Variants in CCNI observed in about 807,000 individuals in gnomAD.
CCNI encodes cyclin-I.
In CCNI, 14 loss-of-function variants were observed where a neutral mutation model predicts 34.1. The ratio of observed to expected loss-of-function variants is 0.41; its 90% CI spans 0.27 to 0.64. The LOEUF (loss-of-function observed/expected upper bound fraction) is 0.64, where lower values mean the gene tolerates loss of function less well. Among genes scored for constraint, CCNI ranks in the 30% least tolerant of loss-of-function variants. The pLI is 0.31. For missense variants in CCNI, 385 were observed against 440.5 expected (o/e 0.87, Z 1.13); for synonymous variants, 154 against 158.4 (o/e 0.97, Z 0.21).
chr4:77,072,497 A>G (rs148574459), intron 1 of CCNI, among the ~76,000 whole-genome samples: 1 of 149,626 alleles, frequency 6.7e-6, no homozygotes, highest in Admixed American at 6.7e-5. Context: ...GCCAGGCATG[A>G]TGTCACACAC....
At chr4:77,071,230 T>C (rs776417334) in intron 1 of CCNI, among the ~76,000 whole-genome samples, 56 of 152,252 alleles carry the variant, frequency 3.7e-4, no homozygotes, top group Non-Finnish European at 6.9e-4. Flanking sequence ...TTCAAATATT[T>C]ATATTGTAAT....
Position 77,067,786 on chromosome 4 carries a change from G to C in CCNI, c.-43-1381C>G, listed in dbSNP as rs192018076. Among the ~76,000 whole-genome samples the C allele has an allele frequency of 6.6e-3, 682 of 103,016 alleles. 10 individuals carry two copies. The highest frequency in any genetic ancestry group is 0.03 in the African/African-American group (653 of 21,954). 67.6% of individuals were successfully genotyped at this position (103,016 alleles called of 152,430 possible). A position where few individuals can be genotyped will look rare whatever the true frequency, so the allele number is the denominator to read the frequency against. ...GTGTGAGCCACCGTGCAGGCTTCTAGGTTTAAAAAAAAAAAAAAAAAAAAA... is the reference window on the plus strand; with the variant it reads ...GTGTGAGCCACCGTGCAGGCTTCTACGTTTAAAAAAAAAAAAAAAAAAAAA... On this transcript the variant is annotated intron_variant, in intron 1 of 6. Coordinates refer to ENST00000237654, the MANE Select transcript of CCNI (RefSeq NM_006835.3).
In CCNI at chr4:77,075,699, C is replaced by A. The variant is rs1337937055; in HGVS notation, c.-271G>T. On this transcript the variant is annotated 5_prime_UTR_variant, in exon 1 of 7. Coordinates refer to ENST00000237654, the MANE Select transcript of CCNI (RefSeq NM_006835.3). ...GGACGCACGGCTGCGGCCGCTGGGT[C>A]GGTCAGCGAATTAGTTCCATGATGA... 6 of 387,440 alleles carry A rather than the reference C, an allele frequency of 1.5e-5. No individual in the cohort carries two copies. Among genetic ancestry groups the A allele is most frequent in the Non-Finnish European group, 2.1e-5 (6 of 282,926 alleles). 24.0% of individuals were successfully genotyped at this position (387,440 alleles called of 1,614,324 possible).
At chr4:77,055,839 C>A in intron 5 of CCNI, 123 bp downstream of exon 5, 1 of 772,188 alleles carries the variant, frequency 1.3e-6, no homozygotes, top group Non-Finnish European at 2.1e-6. Flanking sequence ...ATAATTTTTC[C>A]TTGGATATCA....
chr4:77,053,327 C>T (rs72665130), intron 6 of CCNI, among the ~76,000 whole-genome samples: 69 of 152,246 alleles, frequency 4.5e-4, no homozygotes, highest in Middle Eastern at 3.4e-3. Flanking sequence ...TAGCTCTACA[C>T]GGCTCTAAGA....
intron 1 of CCNI, among the ~76,000 whole-genome samples, chr4:77,074,392 CCTTT>C (rs1190392444): frequency 6.6e-6 from 1 of 152,214 alleles, no homozygotes; most frequent in African/African-American, 2.4e-5. Context: ...TTTGTCCAAT[CCTTT>C]CTATTTCATC....
chr4:77,066,775 T>C (rs1729064862), intron 1 of CCNI, among the ~76,000 whole-genome samples: 1 of 152,224 alleles, frequency 6.6e-6, no homozygotes. Context: ...TAAGGACCAC[T>C]AACATTTTTC....
chr4:77,068,938 T>C (rs1729250574), intron 1 of CCNI, among the ~76,000 whole-genome samples: 3 of 152,174 alleles, frequency 2.0e-5, no homozygotes, highest in South Asian at 4.1e-4. Context: ...TTTAAACGCC[T>C]GAGTTTTTGC....
chr4:77,070,446 C>T (rs1729372000), intron 1 of CCNI, among the ~76,000 whole-genome samples: 1 of 151,390 alleles, frequency 6.6e-6, no homozygotes, highest in Admixed American at 6.6e-5. Flanking sequence ...CCTGCCCCAA[C>T]CCATTGTGTG....
chr4:77,054,859 T>G lies in CCNI; in HGVS notation c.690+291A>C, dbSNP rs373790415. 7.9e-4 allele frequency among the ~76,000 whole-genome samples: 121 copies of G among 152,332 alleles called. 2 individuals carry two copies. The highest frequency in any genetic ancestry group is 2.8e-3 in the African/African-American group (116 of 41,568). ...AAAACCTACAGATGTAGCTAGGAAG[T>G]TTCTTTACAAAAAACTAAAGGACAA... On this transcript the variant is annotated intron_variant, in intron 6 of 6. Transcript: ENST00000237654.
intron 1 of CCNI, chr4:77,074,920 T>C (rs1001253437): frequency 1.3e-5 from 2 of 152,076 alleles, no homozygotes; most frequent in African/African-American, 4.8e-5. Context: ...TAATCTAGCC[T>C]TTAGAGCACA....
chr4:77,048,811 T>C, intron 6 of CCNI, 149 bp from the exon 7 acceptor site: 1 of 480,242 alleles, frequency 2.1e-6, no homozygotes, highest in East Asian at 3.0e-5. Flanking sequence ...CTCATTTATT[T>C]ATCCAGCTAC....
intron 2 of CCNI, among the ~76,000 whole-genome samples, chr4:77,060,942 A>G (rs770754204): frequency 4.6e-5 from 7 of 151,894 alleles, no homozygotes; most frequent in Non-Finnish European, 1.0e-4. Flanking sequence ...ACTTTTTTGT[A>G]GAGACGAGGT....
At chr4:77,048,786 C>T (rs1727630067) in intron 6 of CCNI, 124 bp from the exon 7 acceptor site, 1 of 554,778 alleles carries the variant, frequency 1.8e-6, no homozygotes, top group Non-Finnish European at 3.0e-6. Context: ...TTTCTCTCCC[C>T]ACATCTACCT....
At chr4:77,064,375 T>C (rs528852601) in intron 2 of CCNI, among the ~76,000 whole-genome samples, 39 of 152,192 alleles carry the variant, frequency 2.6e-4, no homozygotes, top group African/African-American at 9.4e-4. Flanking sequence ...CTTAAGGAGA[T>C]AGCAGGAGGA....
chr4:77,064,829 T>TCAC (rs1728914964), intron 2 of CCNI: 2 of 151,938 alleles, frequency 1.3e-5, no homozygotes, highest in Admixed American at 6.6e-5. Context: ...CAGGAATGAC[T>TCAC]CACCACACCC....
chr4:77,072,638 T>TAAAAAAAAAAAAAAAAAAAAAAAAA (rs61247567), intron 1 of CCNI, among the ~76,000 whole-genome samples: 1 of 101,386 alleles, frequency 9.9e-6, no homozygotes, highest in African/African-American at 4.1e-5. Flanking sequence ...CCCAATCTCT[T>TAAAAAAAAAAAAAAAAAAAAAAAAA]AAAAAAAAAA....
intron 1 of CCNI, among the ~76,000 whole-genome samples, chr4:77,070,545 G>T (rs1039812011): frequency 4.0e-4 from 59 of 146,974 alleles, no homozygotes; most frequent in African/African-American, 1.5e-3. Flanking sequence ...AAAGAAAAAA[G>T]GTCATCCTGT....
At chr4:77,050,297 G>A (rs1184547625) in intron 6 of CCNI, among the ~76,000 whole-genome samples, 2 of 152,010 alleles carry the variant, frequency 1.3e-5, no homozygotes, top group African/African-American at 4.8e-5. Context: ...GGACATTTCT[G>A]TACCAAGTCT....
Sources: allele counts gnomAD v4.1 joint callset (sites outside exome capture counted in the v4.1 genomes callset), GRCh38; gene constraint gnomAD v4.1.1; transcripts MANE v1.5; gene names NCBI Gene and HGNC (gene_info 2026-07-23, HGNC 2026-07-21).